ALDH6A1: variants seen among roughly 807,000 people sequenced by gnomAD.
The protein encoded by ALDH6A1 is aldehyde dehydrogenase 6 family member A1.
A neutral mutation model predicts 62.6 loss-of-function variants in ALDH6A1; 43 were observed. The ratio of observed to expected loss-of-function variants is 0.69; its 90% confidence interval spans 0.54 to 0.89. ALDH6A1 has a LOEUF of 0.89. ALDH6A1 is among the 40% of genes least tolerant of loss of function. The pLI is 0.00. For synonymous variants in ALDH6A1, 194 were observed against 234.2 expected, an observed-to-expected ratio of 0.83 and a Z score of 1.57; for missense variants, 551 against 661.3, an observed-to-expected ratio of 0.83 and a Z score of 1.83.
intron 5 of ALDH6A1, 44 bp downstream of exon 5, chr14:74,071,852 C>T: frequency 6.3e-7 from 1 of 1,595,914 alleles, no homozygotes; most frequent in Non-Finnish European, 8.6e-7. Context: ...CTCCCATCTT[C>T]CTTTGGTCCT....
At chr14:74,073,100 CTTATTTT>C (rs1055814217) in intron 2 of ALDH6A1, among the ~76,000 whole-genome samples, 14 of 151,458 alleles carry the variant, frequency 9.2e-5, no homozygotes, top group East Asian at 7.8e-4. Context: ...GCACCTGGCC[CTTATTTT>C]TTATTTTTTA....
chr14:74,072,551 C>T lies in ALDH6A1; in HGVS notation c.172G>A (p.Asp58Asn), dbSNP rs779007737. ...FVESKSDKWI[D>N]IHNPATNEVI... ...GCTTCGCTTACTGGGTTGTGGATAT[C>T]GATCCATTTGTCACTTTTGGATTCA... The change falls in exon 3 of 12, where the codon GAT (aspartate) becomes AAT (asparagine). Residue 58 changes from aspartate to asparagine, a missense_variant. Asp to Asn is a conservative substitution (Grantham distance 23, BLOSUM62 1). Transcript: ENST00000553458. The T allele has an allele frequency of 3.3e-5, 54 of 1,614,042 alleles. No homozygotes were observed. The highest frequency in any genetic ancestry group is 4.3e-5 in the Non-Finnish European group (51 of 1,180,030).
chr14:74,069,101 CTTTTTTTTTT>C (rs900873855), intron 6 of ALDH6A1, 120 bp from the exon 7 acceptor site: 42 of 461,988 alleles, frequency 9.1e-5, no homozygotes, highest in Non-Finnish European at 1.2e-4. Flanking sequence ...TTTACTTTTT[CTTTTTTTTTT>C]TTTTTTTTTT....
Position 74,071,230 on chromosome 14 carries a change from T to C in ALDH6A1, c.695A>G (p.Asp232Gly). The C allele has an allele frequency of 1.2e-6, 2 of 1,614,168 alleles. No homozygotes were observed. Among genetic ancestry groups the C allele is most frequent in the Non-Finnish European group, 1.7e-6 (2 of 1,180,030 alleles). Reference sequence around the variant, plus strand: ...TCCATGGATGATGTTTAATGTTCCATCAGGGGCACCAGAATCCTGGAGCAA... The same window carrying C: ...TCCATGGATGATGTTTAATGTTCCACCAGGGGCACCAGAATCCTGGAGCAA... ...AKLLQDSGAP[D>G]GTLNIIHGQH... Residue 232 changes from aspartate (D) to glycine (G), a missense_variant, in exon 6 of 12, where the codon GAT becomes GGT. Physicochemically the swap from Asp to Gly is moderately conservative, Grantham distance 94. Coordinates refer to ENST00000553458, the MANE Select transcript of ALDH6A1 (RefSeq NM_005589.4).
intron 6 of ALDH6A1, 105 bp downstream of exon 6, chr14:74,071,090 T>C: frequency 8.8e-7 from 1 of 1,132,352 alleles, no homozygotes; most frequent in South Asian, 1.3e-5. Flanking sequence ...AGTAAATCCT[T>C]TCCTCCTTAC....
At chr14:74,068,800 G>T in intron 7 of ALDH6A1, 60 bp downstream of exon 7, 1 of 1,593,968 alleles carries the variant, frequency 6.3e-7, no homozygotes. Flanking sequence ...CTGAAGGTCT[G>T]TTCCTAGGTA....
Position 74,071,467 on chromosome 14 carries a change from G to A in ALDH6A1, c.458C>T (p.Ser153Phe). Residue 153 changes from serine (S) to phenylalanine (F), a missense_variant, in exon 6 of 12, where the codon TCC (serine) becomes TTC (phenylalanine). Physicochemically the swap from Ser to Phe is radical, Grantham distance 155 (BLOSUM62 -2). Transcript: ENST00000553458. The stretch of plus-strand genomic sequence containing the variant: ...TGGCATGGTCTCTCCCATCATGAGG[G>A]ATGTCACACTACAGGCATGCTCAAC... ...QVVEHACSVTSLMMGETMPSI... is the reference protein window; with the variant it reads ...QVVEHACSVTFLMMGETMPSI... 1 of 1,614,090 alleles carries A rather than the reference G, an allele frequency of 6.2e-7. No homozygotes were observed. Among genetic ancestry groups the A allele is most frequent in the Non-Finnish European group, 8.5e-7 (1 of 1,180,024 alleles).
chr14:74,082,198 C>A (rs1031177492), intron 1 of ALDH6A1, among the ~76,000 whole-genome samples: 1 of 152,094 alleles, frequency 6.6e-6, no homozygotes, highest in Non-Finnish European at 1.5e-5. Flanking sequence ...GAGCGAGACC[C>A]TGTCTCGAAC....
At chr14:74,070,297 T>C (rs2060530892) in intron 6 of ALDH6A1, among the ~76,000 whole-genome samples, 1 of 151,986 alleles carries the variant, frequency 6.6e-6, no homozygotes, top group Non-Finnish European at 1.5e-5. Flanking sequence ...GGCGGGTGGA[T>C]CACCTGAGGT....
chr14:74,057,545 A>C lies in ALDH6A1; in HGVS notation c.*3097T>G. ...AAATGTGTACTATCTTTTACGTAAG[A>C]GTAAACATAGTGACCTTGTGACTCT... On this transcript the variant is annotated 3_prime_UTR_variant, in exon 12 of 12. Transcript: ENST00000553458. The C allele has an allele frequency of 7.5e-7, 1 of 1,336,064 alleles. No individual in the cohort carries two copies. The highest frequency in any genetic ancestry group is 9.7e-7 in the Non-Finnish European group (1 of 1,033,744). 82.8% of individuals were successfully genotyped at this position (1,336,064 alleles called of 1,614,324 possible).
intron 2 of ALDH6A1, 67 bp downstream of exon 2, chr14:74,074,888 G>A: frequency 6.7e-7 from 1 of 1,494,314 alleles, no homozygotes; most frequent in Non-Finnish European, 9.3e-7. Flanking sequence ...ATGTAAAGAA[G>A]ATAGAGATAC....
chr14:74,057,304 T>C lies in ALDH6A1; in HGVS notation c.*3338A>G. ...CAAACAATGTATATTGTTGTCACCCTTCCCCATGTCGCTTCTTGCTAAATC... is the reference window on the plus strand; with the variant it reads ...CAAACAATGTATATTGTTGTCACCCCTCCCCATGTCGCTTCTTGCTAAATC... On this transcript the variant is annotated 3_prime_UTR_variant, in exon 12 of 12. Transcript: ENST00000553458. 6.2e-7 allele frequency: 1 copy of C among 1,613,062 alleles called. No individual in the cohort carries two copies. Among genetic ancestry groups the C allele is most frequent in the Non-Finnish European group, 8.5e-7 (1 of 1,179,592 alleles).
chr14:74,074,134 A>AC (rs879517913), intron 2 of ALDH6A1, among the ~76,000 whole-genome samples: 5 of 151,010 alleles, frequency 3.3e-5, no homozygotes, highest in Non-Finnish European at 5.9e-5. Flanking sequence ...ATAGGTACGC[A>AC]CCACCACGCC....
intron 1 of ALDH6A1, among the ~76,000 whole-genome samples, chr14:74,082,427 T>A (rs1287569073): frequency 1.6e-5 from 2 of 124,954 alleles, no homozygotes; most frequent in Non-Finnish European, 3.2e-5. Context: ...TTTGATGGAG[T>A]CTTGCTCTGT....
intron 1 of ALDH6A1, among the ~76,000 whole-genome samples, chr14:74,083,443 C>T (rs1220145428): frequency 2.0e-5 from 3 of 152,214 alleles, no homozygotes; most frequent in African/African-American, 7.2e-5. Context: ...TTTACCATTT[C>T]TCCTTAGGTT....
In ALDH6A1 at chr14:74,057,034, T is replaced by TG; in HGVS notation, c.*3607dup. On this transcript the variant is annotated 3_prime_UTR_variant, in exon 12 of 12. Coordinates refer to ENST00000553458, the MANE Select transcript of ALDH6A1 (RefSeq NM_005589.4). ...CATGAGCCCAACACGATGGTTCTTGTGGGCATCTTGAATGTGCTAATTGAA... is the reference window on the plus strand; with the variant it reads ...CATGAGCCCAACACGATGGTTCTTGTGGGGCATCTTGAATGTGCTAATTGAA... 6.3e-7 allele frequency: 1 copy of TG among 1,590,078 alleles called. No homozygotes were observed.
Position 74,066,699 on chromosome 14 carries a change from G to A in ALDH6A1, c.1224+6C>T, listed in dbSNP as rs1220142991. On this transcript the variant is annotated splice_donor_region_variant and intron_variant, in intron 9 of 11. Coordinates refer to ENST00000553458, the MANE Select transcript of ALDH6A1 (RefSeq NM_005589.4). Reference sequence around the variant, plus strand: ...CTCTCATATTTGTGAAGTGAAAGTTGTTCACCTTGACATTCGAGATGATGG... The same window carrying A: ...CTCTCATATTTGTGAAGTGAAAGTTATTCACCTTGACATTCGAGATGATGG... 1 of 1,613,476 alleles carries A rather than the reference G, an allele frequency of 6.2e-7. No individual in the cohort carries two copies.
Position 74,057,568 on chromosome 14 carries a change from T to G in ALDH6A1, c.*3074A>C, listed in dbSNP as rs560908875. 1.3e-4 allele frequency: 176 copies of G among 1,330,040 alleles called. 6 individuals carry two copies. In the South Asian group the frequency reaches 2.2e-3, roughly 17 times the overall value. 82.4% of individuals were successfully genotyped at this position (1,330,040 alleles called of 1,614,324 possible). A position where few individuals can be genotyped will look rare whatever the true frequency, so the allele number is the denominator to read the frequency against. On this transcript the variant is annotated 3_prime_UTR_variant, in exon 12 of 12. Coordinates refer to ENST00000553458, the MANE Select transcript of ALDH6A1 (RefSeq NM_005589.4). ...AGAGTAAACATAGTGACCTTGTGACTCTTAGCTTTCCATCACAGGTGGGAA... is the reference window on the plus strand; with the variant it reads ...AGAGTAAACATAGTGACCTTGTGACGCTTAGCTTTCCATCACAGGTGGGAA...
At chr14:74,063,673 C>G (rs1419221662) in intron 11 of ALDH6A1, among the ~76,000 whole-genome samples, 1 of 151,272 alleles carries the variant, frequency 6.6e-6, no homozygotes, top group East Asian at 2.0e-4. Flanking sequence ...CGAGACCAGC[C>G]TGGCCAAAAT....
Sources: gnomAD v4.1 joint callset for allele counts (sites outside exome capture counted in the v4.1 genomes callset) on GRCh38, gnomAD v4.1.1 for gene constraint, MANE v1.5 for transcripts, NCBI Gene and HGNC (gene_info 2026-07-23, HGNC 2026-07-21) for gene names.